LRP5: variants seen among roughly 807,000 people sequenced by gnomAD.
LRP5 encodes LDL receptor related protein 5, also known as low-density lipoprotein receptor-related protein 5.
In LRP5, 62 loss-of-function variants were observed where a neutral mutation model predicts 154.1. That is an observed-to-expected ratio of 0.40 (90% CI 0.33 to 0.50). LRP5 has a LOEUF of 0.50. LRP5 is among the 20% of genes least tolerant of loss of function. The probability of loss-of-function intolerance (pLI) is 0.55; values close to 1 mark genes in which losing one functional copy is unlikely to be tolerated. For missense variants in LRP5, 1,915 were observed against 2,336.7 expected, an observed-to-expected ratio of 0.82 and a Z score of 3.72; for synonymous variants, 966 against 1,011.5, an observed-to-expected ratio of 0.96 and a Z score of 0.85.
chr11:68,377,550 T>A (rs2098638052), intron 5 of LRP5, among the ~76,000 whole-genome samples: 1 of 152,162 alleles, frequency 6.6e-6, no homozygotes, highest in African/African-American at 2.4e-5. Context: ...GTTGCGGCAT[T>A]TGCCCCACCA....
intron 13 of LRP5, 130 bp downstream of exon 13, chr11:68,416,657 G>C: frequency 2.4e-6 from 2 of 848,294 alleles, no homozygotes; most frequent in Non-Finnish European, 1.9e-6. Flanking sequence ...GATGACTTGG[G>C]CTTCGATTAT....
chr11:68,443,571 ATATATATATATATATTT>A (rs1176339996), intron 21 of LRP5, among the ~76,000 whole-genome samples: 1 of 42,656 alleles, frequency 2.3e-5, no homozygotes, highest in Non-Finnish European at 4.3e-5. Flanking sequence ...ATATATATAT[ATATATATATATATATTT>A]TTTTTTTTTT....
At chr11:68,371,550 C>T (rs1437398557) in intron 5 of LRP5, among the ~76,000 whole-genome samples, 1 of 152,250 alleles carries the variant, frequency 6.6e-6, no homozygotes, top group African/African-American at 2.4e-5. Context: ...ACAGTCCTGT[C>T]ACCTGAGCAC....
At chr11:68,320,506 AGT>A (rs2098596147) in intron 1 of LRP5, among the ~76,000 whole-genome samples, 1 of 138,676 alleles carries the variant, frequency 7.2e-6, no homozygotes, top group Admixed American at 7.9e-5. Flanking sequence ...TCCAGGCTGG[AGT>A]GCAGTGGCGC....
At chr11:68,312,871 C>T (rs2098589554) in intron 1 of LRP5, 66 bp downstream of exon 1, 1 of 899,314 alleles carries the variant, frequency 1.1e-6, no homozygotes, top group Admixed American at 6.0e-5. Flanking sequence ...GGCCCCGCGG[C>T]CAAGTGCGCG....
Position 68,429,580 on chromosome 11 carries a change from C to T in LRP5, c.3643C>T (p.His1215Tyr). Reference protein sequence around the residue: ...EEVSLEEFSAHPCARDNGGCS... With the variant: ...EEVSLEEFSAYPCARDNGGCS... ...GTCTTGTTTTGTCTTTGCAGCAGCC[C>T]ACCCATGTGCCCGTGACAATGGTGG... is the stretch of plus-strand genomic sequence containing the variant. Residue 1215 changes from histidine to tyrosine, a missense_variant, in exon 17 of 23, where the codon CAC becomes TAC. By Grantham distance (83) the His-to-Tyr change is moderately conservative. Around this residue, in one of 3 missense-constraint regions of LRP5, gnomAD observed 1,094 missense variants for 1,210.1 expected, o/e 0.90. Coordinates refer to ENST00000294304, the MANE Select transcript of LRP5 (RefSeq NM_002335.4). The T allele has an allele frequency of 3.1e-6, 5 of 1,614,156 alleles. No homozygotes were observed. The highest frequency in any genetic ancestry group is 1.7e-4 in the Middle Eastern group (1 of 6,054).
At chr11:68,440,007 C>G in intron 21 of LRP5, 91 bp downstream of exon 21, 1 of 1,262,524 alleles carries the variant, frequency 7.9e-7, no homozygotes, top group South Asian at 1.5e-5. Flanking sequence ...TCCCGGGTTC[C>G]TGGGGGCTGT....
At chr11:68,426,594 A>T (rs1000932679) in intron 16 of LRP5, among the ~76,000 whole-genome samples, 2 of 150,514 alleles carry the variant, frequency 1.3e-5, no homozygotes, top group South Asian at 4.2e-4. Context: ...CACCTGGCTA[A>T]TTTTTTTTTG....
At chr11:68,368,321 G>C (rs143267192) in intron 5 of LRP5, among the ~76,000 whole-genome samples, 136 of 152,340 alleles carry the variant, frequency 8.9e-4, no homozygotes, top group Admixed American at 2.6e-3. Flanking sequence ...TCCTGTACTG[G>C]GGGTGTGGCC....
At chr11:68,305,283 G>A in the LRP5 span, among the ~76,000 whole-genome samples, 1 of 151,778 alleles carries the variant, frequency 6.6e-6, no homozygotes, top group Non-Finnish European at 1.5e-5. Flanking sequence ...TGCTTTTGCT[G>A]TGTGATGCAC....
intron 19 of LRP5, among the ~76,000 whole-genome samples, chr11:68,437,577 A>G (rs79331360): frequency 2.6e-5 from 4 of 152,246 alleles, no homozygotes; most frequent in Admixed American, 2.6e-4. Context: ...GGAAGTAGCA[A>G]TGAGTCATTG....
In LRP5 at chr11:68,400,748, A is replaced by G. The variant is rs1040719662; in HGVS notation, c.1585-2735A>G. Among the ~76,000 whole-genome samples the G allele has an allele frequency of 4.0e-5, 6 of 151,894 alleles. No homozygotes were observed. The East Asian group carries it at 1.2e-3, about 29-fold the overall frequency. On this transcript the variant is annotated intron_variant, in intron 7 of 22. Transcript: ENST00000294304. ...CGTCTCAAAAAAAATAAATAAATAA[A>G]AAATAAAAATAATGACCTCTGGCCA...
At chr11:68,355,689 G>C (rs1342581831) in intron 2 of LRP5, among the ~76,000 whole-genome samples, 2 of 152,170 alleles carry the variant, frequency 1.3e-5, no homozygotes, top group Non-Finnish European at 2.9e-5. Context: ...TCATTGGCCA[G>C]AGATCACGTA....
rs562160136 is a variant in LRP5, at chr11:68,398,573, G to A, written c.1585-4910G>A. On this transcript the variant is annotated intron_variant, in intron 7 of 22. Transcript: ENST00000294304. ...GCAGGAGTCGAGAGCTACGGCCCCC[G>A]GGCCAGATCCAGCCCTGCCACCTGT... 6.6e-5 allele frequency among the ~76,000 whole-genome samples: 10 copies of A among 152,002 alleles called. No homozygotes were observed. The East Asian group carries it at 1.9e-3, about 29-fold the overall frequency.
Position 68,446,134 on chromosome 11 carries a change from C to T in LRP5, c.4489-302C>T, listed in dbSNP as rs575132089. 4.6e-5 allele frequency among the ~76,000 whole-genome samples: 7 copies of T among 152,316 alleles called. No homozygotes were observed. The East Asian group carries it at 7.7e-4, about 17-fold the overall frequency. ...GGGGCCAGCCACAAAGGGAACTGGC[C>T]GAAGTCCTGTCCCCGCCTTCACAGC... is the stretch of plus-strand genomic sequence containing the variant. On this transcript the variant is annotated intron_variant, in intron 21 of 22. Transcript: ENST00000294304.
At chr11:68,357,534 G>T (rs555965219) in intron 2 of LRP5, 116 bp from the exon 3 acceptor site, 1 of 954,164 alleles carries the variant, frequency 1.0e-6, no homozygotes, top group East Asian at 2.6e-5. Flanking sequence ...GGTTATTTCC[G>T]ATGGGTGAGA....
In LRP5 at chr11:68,423,463, G is replaced by A; in HGVS notation, c.3028-26G>A. 1 of 1,609,098 alleles carries A rather than the reference G, an allele frequency of 6.2e-7. No homozygotes were observed. Among genetic ancestry groups the A allele is most frequent in the Non-Finnish European group, 8.5e-7 (1 of 1,175,502 alleles). Reference sequence around the variant, plus strand: ...GCCCAGGGGTCTCCGCCAGTGCTCAGGAGTCTTGGTTTCTTTGTCTTACAG... The same window carrying A: ...GCCCAGGGGTCTCCGCCAGTGCTCAAGAGTCTTGGTTTCTTTGTCTTACAG... On this transcript the variant is annotated intron_variant, in intron 13 of 22. Transcript: ENST00000294304. This position sits in a 1 kb window ranked among gnomAD's most constrained non-coding sequence, Gnocchi z 4.7.
At chr11:68,307,601 T>C (rs1388029689), upstream of LRP5, among the ~76,000 whole-genome samples, 2 of 151,748 alleles carry the variant, frequency 1.3e-5, no homozygotes, top group Admixed American at 6.6e-5. Context: ...GAGGCTGCAG[T>C]GAGCCAAGAG....
At chr11:68,302,393 T>C in the LRP5 span, among the ~76,000 whole-genome samples, 2 of 149,268 alleles carry the variant, frequency 1.3e-5, no homozygotes, top group Non-Finnish European at 3.0e-5. Context: ...AGCCCGGTCC[T>C]GGGGCCTGCT....
Sources: gnomAD v4.1 joint callset for allele counts (sites outside exome capture counted in the v4.1 genomes callset) on GRCh38, gnomAD v4.1.1 for gene constraint, gnomAD v4.1.1 regional missense constraint, Gnocchi (gnomAD v3.1) non-coding constraint, MANE v1.5 for transcripts, NCBI Gene and HGNC (gene_info 2026-07-23, HGNC 2026-07-21) for gene names.